ANKRD55: variants seen among roughly 807,000 people sequenced by gnomAD.
ANKRD55 encodes the protein ankyrin repeat domain 55.
ANKRD55 carries 41 observed loss-of-function variants against 60.6 expected under a neutral mutation model. That is an observed-to-expected ratio of 0.68 (90% CI 0.53 to 0.88). ANKRD55 has a LOEUF of 0.88. Among genes scored for constraint, ANKRD55 ranks in the 40% least tolerant of loss-of-function variants. The pLI is 0.00. For synonymous variants in ANKRD55, 264 were observed against 290.3 expected (o/e 0.91, Z 0.92); for missense variants, 732 against 767.6 (o/e 0.95, Z 0.55).
At chr5:56,200,792 T>C (rs569861113) in intron 2 of ANKRD55, among the ~76,000 whole-genome samples, 1 of 152,282 alleles carries the variant, frequency 6.6e-6, no homozygotes, top group African/African-American at 2.4e-5. Context: ...CCAGGGTAAT[T>C]TGGGGAGGCT....
intron 8 of ANKRD55, among the ~76,000 whole-genome samples, chr5:56,123,778 G>A (rs1166530253): frequency 1.3e-5 from 2 of 152,066 alleles, no homozygotes; most frequent in Non-Finnish European, 2.9e-5. Context: ...AGTAACGAGG[G>A]GAGCATATAG....
chr5:56,116,610 C>T lies in ANKRD55; in HGVS notation c.965+5G>A, dbSNP rs1162900693. ...AGAAAAATAACTGGCTCCTGTTGTA[C>T]TCACCTGCTCTCTTGGGAGAGGAGT... On this transcript the variant is annotated splice_donor_5th_base_variant and intron_variant, in intron 9 of 11. Transcript: ENST00000341048. 1 of 1,542,590 alleles carries T rather than the reference C, an allele frequency of 6.5e-7. No individual in the cohort carries two copies. The highest frequency in any genetic ancestry group is 8.7e-7 in the Non-Finnish European group (1 of 1,146,442).
intron 2 of ANKRD55, among the ~76,000 whole-genome samples, chr5:56,188,473 T>A (rs1382659963): frequency 6.6e-6 from 1 of 152,198 alleles, no homozygotes; most frequent in Admixed American, 6.5e-5. Flanking sequence ...AAATCTTTAA[T>A]CCATTTTGAT....
intron 2 of ANKRD55, among the ~76,000 whole-genome samples, chr5:56,207,112 C>T (rs1581021544): frequency 6.6e-6 from 1 of 152,190 alleles, no homozygotes; most frequent in African/African-American, 2.4e-5. Flanking sequence ...CCTCCCCTTC[C>T]CCCCTTGGAA....
chr5:56,141,644 C>T (rs910974047), intron 7 of ANKRD55, among the ~76,000 whole-genome samples: 4 of 152,108 alleles, frequency 2.6e-5, no homozygotes, highest in African/African-American at 7.2e-5. Flanking sequence ...AGAGAGGGCA[C>T]GGAAGCTCCA....
At chr5:56,218,036 G>T (rs1380587254) in intron 2 of ANKRD55, among the ~76,000 whole-genome samples, 1 of 152,162 alleles carries the variant, frequency 6.6e-6, no homozygotes, top group Admixed American at 6.5e-5. Flanking sequence ...AATAGCAAGA[G>T]AACTAGAGTT....
At chr5:56,126,856 T>C in intron 8 of ANKRD55, 66 bp downstream of exon 8, 1 of 1,518,994 alleles carries the variant, frequency 6.6e-7, no homozygotes, top group Non-Finnish European at 8.9e-7. Flanking sequence ...AAACATCTCC[T>C]TTATTTTAAG....
chr5:56,226,434 C>T (rs1273678461), intron 2 of ANKRD55, among the ~76,000 whole-genome samples: 13 of 152,108 alleles, frequency 8.5e-5, no homozygotes, highest in African/African-American at 1.2e-4. Flanking sequence ...AAGGACTTCA[C>T]GTCTAAAACA....
At position 56,143,982 on chromosome 5, in the gene ANKRD55, A is replaced by G. The variant is rs1343356828; in HGVS notation, c.484-53T>C. ...AGATGAGCACAGGCTCCCAGGAAGA[A>G]AACTGGAGCTCACACTTTCTCCTCA... On this transcript the variant is annotated intron_variant, in intron 6 of 11. Transcript: ENST00000341048. The G allele has an allele frequency of 3.7e-6, 6 of 1,608,872 alleles. No homozygotes were observed. In the East Asian group the frequency reaches 1.1e-4, roughly 30 times the overall value.
intron 5 of ANKRD55, among the ~76,000 whole-genome samples, chr5:56,170,106 C>T (rs949613554): frequency 6.6e-6 from 1 of 152,178 alleles, no homozygotes; most frequent in Non-Finnish European, 1.5e-5. Flanking sequence ...TCCTTCTAAC[C>T]CCCTGATCTC....
chr5:56,207,865 G>T (rs926572197), intron 2 of ANKRD55, among the ~76,000 whole-genome samples: 1 of 151,918 alleles, frequency 6.6e-6, no homozygotes, highest in Non-Finnish European at 1.5e-5. Context: ...ATAAACAAAT[G>T]TTTTCTTCTA....
At chr5:56,169,661 G>A (rs1318717796) in intron 5 of ANKRD55, among the ~76,000 whole-genome samples, 1 of 152,198 alleles carries the variant, frequency 6.6e-6, no homozygotes, top group Non-Finnish European at 1.5e-5. Context: ...AGAGATTGAA[G>A]TAAAGAAATC....
intron 2 of ANKRD55, among the ~76,000 whole-genome samples, chr5:56,208,069 C>T (rs1759557991): frequency 6.6e-6 from 1 of 151,232 alleles, no homozygotes; most frequent in South Asian, 2.1e-4. Flanking sequence ...TTTTCATTTT[C>T]TAAATATTTT....
chr5:56,132,518 G>C (rs978205174), intron 7 of ANKRD55, among the ~76,000 whole-genome samples: 1 of 150,024 alleles, frequency 6.7e-6, no homozygotes, highest in Non-Finnish European at 1.5e-5. Context: ...GTGAACCTGA[G>C]AGGCGGAGCT....
chr5:56,119,576 G>A (rs1341105893), intron 8 of ANKRD55, among the ~76,000 whole-genome samples: 1 of 152,050 alleles, frequency 6.6e-6, no homozygotes, highest in African/African-American at 2.4e-5. Context: ...TTTACTGAAC[G>A]TAAATAAAAA....
intron 2 of ANKRD55, among the ~76,000 whole-genome samples, chr5:56,193,878 T>C (rs1759166516): frequency 6.6e-6 from 1 of 152,222 alleles, no homozygotes; most frequent in Admixed American, 6.5e-5. Flanking sequence ...ACTTGTGTTT[T>C]TAAAATGGTG....
rs371931853 is a variant in ANKRD55, at chr5:56,100,174, G to A, written c.*9C>T. ...ATTCATCTACATTTCTGCAGCGAGT[G>A]GCCCACAGTTAATTTTCATCACTGG... is the stretch of plus-strand genomic sequence containing the variant. On this transcript the variant is annotated 3_prime_UTR_variant, in exon 12 of 12. Coordinates refer to ENST00000341048, the MANE Select transcript of ANKRD55 (RefSeq NM_024669.3). The A allele has an allele frequency of 1.9e-6, 3 of 1,613,958 alleles. No individual in the cohort carries two copies. The highest frequency in any genetic ancestry group is 1.3e-5 in the African/African-American group (1 of 74,890).
intron 4 of ANKRD55, among the ~76,000 whole-genome samples, chr5:56,175,715 C>A (rs1428451405): frequency 6.6e-6 from 1 of 152,080 alleles, no homozygotes; most frequent in African/African-American, 2.4e-5. Flanking sequence ...ACCACCTTCC[C>A]CAGTTCTCGT....
At chr5:56,196,644 T>C (rs1373996633) in intron 2 of ANKRD55, among the ~76,000 whole-genome samples, 2 of 152,212 alleles carry the variant, frequency 1.3e-5, no homozygotes, top group African/African-American at 4.8e-5. Flanking sequence ...CATTTAGCAT[T>C]ATTTCCATTT....
Sources: allele counts gnomAD v4.1 joint callset (sites outside exome capture counted in the v4.1 genomes callset), GRCh38; gene constraint gnomAD v4.1.1; transcripts MANE v1.5; gene names NCBI Gene and HGNC (gene_info 2026-07-23, HGNC 2026-07-21).